The following DAB2IP variants were observed in gnomAD, a reference collection of about 807,000 sequenced individuals.
The protein encoded by DAB2IP is disabled homolog 2-interacting protein.
Under a neutral mutation model 107.2 loss-of-function variants are expected in DAB2IP, and 28 were observed. The ratio of observed to expected loss-of-function variants is 0.26; its 90% CI spans 0.19 to 0.36. DAB2IP has a LOEUF of 0.36. Ranked by LOEUF, DAB2IP falls within the 10% of genes least tolerant of loss-of-function variation. DAB2IP has a pLI of 1.00. For missense variants in DAB2IP, 1,400 were observed against 1,644.7 expected (o/e 0.85, Z 2.57); for synonymous variants, 755 against 706.4 (o/e 1.07, Z -1.09).
intron 3 of DAB2IP, among the ~76,000 whole-genome samples, chr9:121,728,917 C>G (rs1831375097): frequency 6.6e-6 from 1 of 152,176 alleles, no homozygotes; most frequent in African/African-American, 2.4e-5. Context: ...AATAATTGTG[C>G]TAATTATAGG....
intron 3 of DAB2IP, among the ~76,000 whole-genome samples, chr9:121,750,003 G>A (rs531633953): frequency 4.6e-5 from 7 of 152,284 alleles, no homozygotes; most frequent in Admixed American, 2.6e-4. Context: ...TGAGGTGGGC[G>A]AATGGAACAG....
rs986820976 is a variant in DAB2IP, at chr9:121,730,140, C to A, written c.363-26873C>A. On this transcript the variant is annotated intron_variant, in intron 3 of 15. Coordinates refer to ENST00000408936, the Ensembl canonical transcript of DAB2IP. Reference sequence around the variant, plus strand: ...CCAGCCATGTCCAACCCCCACTGGCCGCCAAGGAAAGAAAGAAACTTTTCA... The same window carrying A: ...CCAGCCATGTCCAACCCCCACTGGCAGCCAAGGAAAGAAAGAAACTTTTCA... Among the ~76,000 whole-genome samples the A allele has an allele frequency of 5.9e-5, 9 of 152,108 alleles. No homozygotes were observed. In the East Asian group the frequency reaches 1.7e-3, roughly 29 times the overall value.
Position 121,776,099 on chromosome 9 carries a change from C to G in DAB2IP, c.3121-99C>G. 7.1e-7 allele frequency: 1 copy of G among 1,410,908 alleles called. No homozygotes were observed. Among genetic ancestry groups the G allele is most frequent in the Non-Finnish European group, 9.6e-7 (1 of 1,046,872 alleles). 87.4% of individuals were successfully genotyped at this position (1,410,908 alleles called of 1,614,324 possible). On this transcript the variant is annotated intron_variant, in intron 13 of 15. Transcript: ENST00000408936. The surrounding 1 kb of genome is among the most constrained non-coding windows in gnomAD (Gnocchi z 5.4). ...GCGGGTCACAGCCACTGGGGCCTTTCAAGTGGGGCTCCCTCCTACCCTTCC... is the reference window on the plus strand; with the variant it reads ...GCGGGTCACAGCCACTGGGGCCTTTGAAGTGGGGCTCCCTCCTACCCTTCC...
At chr9:121,766,604 G>A (rs146233036) in exon 9 of DAB2IP, 4 of 1,613,886 alleles carry the variant, frequency 2.5e-6, no homozygotes, top group African/African-American at 1.3e-5. Flanking sequence ...CTCTTCCTGC[G>A]CTTCCTCTGC....
At chr9:121,641,932 TCTTTCTCTCTTTCTTTC>T (rs1227634896) in intron 1 of DAB2IP, among the ~76,000 whole-genome samples, 5 of 145,076 alleles carry the variant, frequency 3.4e-5, no homozygotes, top group Admixed American at 6.9e-5. Context: ...TTTCTTTCTT[TCTTTCTCTCTTTCTTTC>T]CTTTCTTTCT....
At chr9:121,594,976 G>T (rs1396189977) in intron 1 of DAB2IP, among the ~76,000 whole-genome samples, 1 of 152,144 alleles carries the variant, frequency 6.6e-6, no homozygotes, top group African/African-American at 2.4e-5. Context: ...GCATGATAGA[G>T]CTTGGTGGAC....
chr9:121,642,516 G>A (rs1341864305), intron 1 of DAB2IP, among the ~76,000 whole-genome samples: 2 of 142,282 alleles, frequency 1.4e-5, no homozygotes, highest in African/African-American at 5.3e-5. Context: ...GTAGAGACAG[G>A]GTCTCACTGT....
intron 1 of DAB2IP, among the ~76,000 whole-genome samples, chr9:121,582,343 C>G (rs1005965006): frequency 1.3e-5 from 2 of 152,108 alleles, no homozygotes; most frequent in Non-Finnish European, 2.9e-5. Flanking sequence ...GCCCAAAGCC[C>G]CCTTCCTTCT....
chr9:121,663,775 A>G (rs1344223514), intron 1 of DAB2IP, among the ~76,000 whole-genome samples: 2 of 152,254 alleles, frequency 1.3e-5, no homozygotes, highest in African/African-American at 4.8e-5. Flanking sequence ...CCCTGGGGAC[A>G]TAGAGAGAGG....
intron 14 of DAB2IP, 56 bp from the exon 15 acceptor site, chr9:121,781,408 C>T: frequency 6.4e-7 from 1 of 1,567,268 alleles, no homozygotes; most frequent in Non-Finnish European, 8.8e-7. Flanking sequence ...TTCTCACACC[C>T]TCCCCACCTC....
At position 121,736,516 on chromosome 9, in the gene DAB2IP, G is replaced by C. The variant is rs1021766079; in HGVS notation, c.363-20497G>C. Among the ~76,000 whole-genome samples the C allele has an allele frequency of 3.4e-5, 5 of 148,930 alleles. No homozygotes were observed. The highest frequency in any genetic ancestry group is 7.5e-5 in the Non-Finnish European group (5 of 66,922). The stretch of plus-strand genomic sequence containing the variant: ...CGGAATGTCACCCGCTGCCGGGCCT[G>C]GGAAGGGCTGGGCCTACTGCTGTGG... On this transcript the variant is annotated intron_variant, in intron 3 of 15. Coordinates refer to ENST00000408936, the Ensembl canonical transcript of DAB2IP. The surrounding 1 kb of genome is among the most constrained non-coding windows in gnomAD (Gnocchi z 4.6).
chr9:121,699,264 C>T lies in DAB2IP; in HGVS notation c.229-61C>T. The T allele has an allele frequency of 4.0e-6, 5 of 1,262,436 alleles. No individual in the cohort carries two copies. The highest frequency in any genetic ancestry group is 9.1e-5 in the East Asian group (2 of 22,040). 78.2% of individuals were successfully genotyped at this position (1,262,436 alleles called of 1,614,324 possible). ...AAGGGTGCGGGTCCCGCGCGGGTCC[C>T]GGCCCGCCGCCGCCGCGCTAACCCC... On this transcript the variant is annotated intron_variant, in intron 2 of 15. Coordinates refer to ENST00000408936, the Ensembl canonical transcript of DAB2IP. The surrounding 1 kb of genome is among the most constrained non-coding windows in gnomAD (Gnocchi z 6.2).
At chr9:121,713,771 A>G (rs1830455093) in intron 3 of DAB2IP, among the ~76,000 whole-genome samples, 1 of 152,142 alleles carries the variant, frequency 6.6e-6, no homozygotes, top group South Asian at 2.1e-4. Flanking sequence ...CAACTGTTTT[A>G]TATCTCAAAA....
Position 121,729,287 on chromosome 9 carries a change from A to G in DAB2IP, c.363-27726A>G, listed in dbSNP as rs141633017. Among the ~76,000 whole-genome samples the G allele has an allele frequency of 4.6e-5, 7 of 152,284 alleles. No individual in the cohort carries two copies. In the East Asian group the frequency reaches 1.2e-3, roughly 25 times the overall value. ...AGCACTACTTCTCTGGGGACACTTG[A>G]CATGTGTTCTCACCCTTTATCTCTA... On this transcript the variant is annotated intron_variant, in intron 3 of 15. Coordinates refer to ENST00000408936, the Ensembl canonical transcript of DAB2IP.
At chr9:121,652,899 C>T (rs1426716590) in intron 1 of DAB2IP, among the ~76,000 whole-genome samples, 1 of 152,136 alleles carries the variant, frequency 6.6e-6, no homozygotes, top group Non-Finnish European at 1.5e-5. Context: ...TGTTCGGTTG[C>T]TTCCACCAGA....
intron 3 of DAB2IP, among the ~76,000 whole-genome samples, chr9:121,735,225 T>C (rs1831812842): frequency 2.0e-5 from 3 of 152,140 alleles, no homozygotes; most frequent in Admixed American, 2.0e-4. Flanking sequence ...TGTGGACTGA[T>C]GCAAATGTGG....
chr9:121,700,857 C>G (rs1404110543), intron 3 of DAB2IP, among the ~76,000 whole-genome samples: 1 of 152,156 alleles, frequency 6.6e-6, no homozygotes, highest in Non-Finnish European at 1.5e-5. Flanking sequence ...CTCTGATGGC[C>G]CTGGTGCCCC....
In DAB2IP at chr9:121,651,808, C is replaced by T. The variant is rs1209253517; in HGVS notation, c.33C>T (p.Thr11=). The T allele has an allele frequency of 2.1e-6, 3 of 1,461,280 alleles. No individual in the cohort carries two copies. In the African/African-American group the frequency reaches 4.3e-5, roughly 21 times the overall value. The allele number at this position is 1,461,280 out of a possible 1,614,324, so 90.5% of individuals were successfully genotyped here. ...CGGGCGGCAGCGCCAGGAAGAGCAC[C>T]GGGAGGTCCTCCTACTACTACCGGC... Residue 11 remains threonine (T), a synonymous_variant, in exon 1 of 16, where the codon ACC becomes ACT. Transcript: ENST00000408936. The surrounding 1 kb of genome is among the most constrained non-coding windows in gnomAD (Gnocchi z 5.1).
intron 3 of DAB2IP, among the ~76,000 whole-genome samples, chr9:121,719,452 C>G (rs1468423607): frequency 3.9e-5 from 6 of 152,162 alleles, no homozygotes; most frequent in Non-Finnish European, 8.8e-5. Flanking sequence ...GAGCCTAGTG[C>G]TCAGAGGATG....
Sources: gnomAD v4.1 joint callset for allele counts (sites outside exome capture counted in the v4.1 genomes callset) on GRCh38, gnomAD v4.1.1 for gene constraint, Gnocchi (gnomAD v3.1) non-coding constraint, MANE v1.5 for transcripts, NCBI Gene and HGNC (gene_info 2026-07-23, HGNC 2026-07-21) for gene names.